Variants in ST6GALNAC3 observed in about 807,000 individuals in gnomAD.
ST6GALNAC3 encodes ST6 N-acetylgalactosaminide alpha-2,6-sialyltransferase 3, also known as alpha-N-acetylgalactosaminide alpha-2,6-sialyltransferase 3.
Under a neutral mutation model 32.7 loss-of-function variants are expected in ST6GALNAC3, and 25 were observed. The observed-to-expected ratio is 0.76, with a 90% CI of 0.56 to 1.07. ST6GALNAC3 has a LOEUF of 1.07. Among genes scored for constraint, ST6GALNAC3 ranks in the 50% least tolerant of loss-of-function variants. The pLI is 0.00. For missense variants in ST6GALNAC3, 355 were observed against 382.4 expected (o/e 0.93, Z 0.60); for synonymous variants, 129 against 133.1 (o/e 0.97, Z 0.21).
intron 1 of ST6GALNAC3, among the ~76,000 whole-genome samples, chr1:76,279,938 C>T (rs1002847388): frequency 6.6e-6 from 1 of 152,068 alleles, no homozygotes; most frequent in Non-Finnish European, 1.5e-5. Flanking sequence ...ATAAAGAGTT[C>T]GGGAGAAAGT....
chr1:76,327,458 G>C (rs1168099733), intron 2 of ST6GALNAC3, among the ~76,000 whole-genome samples: 2 of 152,132 alleles, frequency 1.3e-5, no homozygotes, highest in Non-Finnish European at 2.9e-5. Flanking sequence ...ATTCCTCTTT[G>C]CTCAGGGACA....
intron 1 of ST6GALNAC3, among the ~76,000 whole-genome samples, chr1:76,099,065 A>T (rs568988928): frequency 2.6e-5 from 4 of 152,108 alleles, no homozygotes; most frequent in Non-Finnish European, 4.4e-5. Context: ...CGAAATGTTC[A>T]TATGTTTGAG....
At chr1:76,268,169 A>G (rs1658643167) in intron 1 of ST6GALNAC3, among the ~76,000 whole-genome samples, 1 of 152,238 alleles carries the variant, frequency 6.6e-6, no homozygotes, top group East Asian at 1.9e-4. Context: ...AATGCACAAA[A>G]TATATCTTTC....
intron 3 of ST6GALNAC3, among the ~76,000 whole-genome samples, chr1:76,559,755 G>A (rs1474836121): frequency 6.6e-6 from 1 of 152,098 alleles, no homozygotes; most frequent in East Asian, 1.9e-4. Context: ...AATGCAAGAG[G>A]CACTGAAGAG....
chr1:76,630,145 C>G lies in ST6GALNAC3; in HGVS notation c.*1339C>G. On this transcript the variant is annotated 3_prime_UTR_variant, in exon 5 of 5. Transcript: ENST00000328299. ...ATTTGGTCATTGTTCTGTTATATTC[C>G]AGATTGCTCTACTTGCTAATATTTG... 1.0e-6 allele frequency: 1 copy of G among 985,096 alleles called. No individual in the cohort carries two copies. The highest frequency in any genetic ancestry group is 1.2e-6 in the Non-Finnish European group (1 of 829,812). The allele number at this position is 985,096 out of a possible 1,614,324, so 61.0% of individuals were successfully genotyped here. A position where few individuals can be genotyped will look rare whatever the true frequency, so the allele number is the denominator to read the frequency against.
At chr1:76,106,584 C>T (rs1261655966) in intron 1 of ST6GALNAC3, among the ~76,000 whole-genome samples, 1 of 152,090 alleles carries the variant, frequency 6.6e-6, no homozygotes, top group African/African-American at 2.4e-5. Context: ...CACCCATGCT[C>T]CTCAAATGCT....
At chr1:76,451,145 G>T (rs1274331684) in intron 3 of ST6GALNAC3, among the ~76,000 whole-genome samples, 1 of 152,038 alleles carries the variant, frequency 6.6e-6, no homozygotes, top group Non-Finnish European at 1.5e-5. Context: ...TTAGCGGTAT[G>T]GTCATTTTCA....
At chr1:76,358,058 C>CT in intron 2 of ST6GALNAC3, among the ~76,000 whole-genome samples, 1 of 152,226 alleles carries the variant, frequency 6.6e-6, no homozygotes, top group East Asian at 1.9e-4. Context: ...CTCACCACTT[C>CT]TTTTTTTAAA....
At chr1:76,204,017 C>T (rs1380314270) in intron 1 of ST6GALNAC3, among the ~76,000 whole-genome samples, 1 of 152,148 alleles carries the variant, frequency 6.6e-6, no homozygotes, top group Non-Finnish European at 1.5e-5. Flanking sequence ...CTTTTATCAA[C>T]CCTTTAATCA....
At chr1:76,245,569 T>C (rs1371555749) in intron 1 of ST6GALNAC3, among the ~76,000 whole-genome samples, 2 of 152,180 alleles carry the variant, frequency 1.3e-5, no homozygotes, top group African/African-American at 4.8e-5. Flanking sequence ...GGGCATTTAA[T>C]GGTATAAATT....
At chr1:76,424,568 A>G (rs1160683609) in intron 3 of ST6GALNAC3, among the ~76,000 whole-genome samples, 1 of 151,952 alleles carries the variant, frequency 6.6e-6, no homozygotes, top group Non-Finnish European at 1.5e-5. Context: ...TATAAGTATG[A>G]CACAAGGTGC....
At chr1:76,375,672 C>T (rs1571010635) in intron 2 of ST6GALNAC3, among the ~76,000 whole-genome samples, 1 of 152,160 alleles carries the variant, frequency 6.6e-6, no homozygotes, top group Non-Finnish European at 1.5e-5. Context: ...TCAGTGATCA[C>T]AGGCTCATCC....
intron 1 of ST6GALNAC3, chr1:76,309,835 C>A (rs1007255855): frequency 5.0e-6 from 2 of 400,580 alleles, no homozygotes; most frequent in Non-Finnish European, 1.0e-5. Context: ...CTCCCTTCAC[C>A]CTCTCTGTGC....
At chr1:76,280,119 TC>T (rs1487416308) in intron 1 of ST6GALNAC3, among the ~76,000 whole-genome samples, 1 of 152,156 alleles carries the variant, frequency 6.6e-6, no homozygotes, top group African/African-American at 2.4e-5. Flanking sequence ...TTTCTCTGCT[TC>T]ACTTCATTCT....
intron 3 of ST6GALNAC3, among the ~76,000 whole-genome samples, chr1:76,551,079 G>A (rs1325545341): frequency 6.6e-6 from 1 of 152,052 alleles, no homozygotes; most frequent in Non-Finnish European, 1.5e-5. Context: ...GGCCTTGCCT[G>A]GTATTTTAAT....
intron 3 of ST6GALNAC3, among the ~76,000 whole-genome samples, chr1:76,591,138 G>A (rs1272713714): frequency 6.6e-6 from 1 of 151,970 alleles, no homozygotes; most frequent in Non-Finnish European, 1.5e-5. Flanking sequence ...GAAATACAAA[G>A]GAGATATGAA....
At chr1:76,520,216 A>T (rs1018030732) in intron 3 of ST6GALNAC3, among the ~76,000 whole-genome samples, 1 of 152,130 alleles carries the variant, frequency 6.6e-6, no homozygotes, top group Non-Finnish European at 1.5e-5. Context: ...AATGAGAAGT[A>T]ATGGTAAATA....
At chr1:76,498,623 C>G (rs1001485199) in intron 3 of ST6GALNAC3, among the ~76,000 whole-genome samples, 1 of 151,894 alleles carries the variant, frequency 6.6e-6, no homozygotes, top group African/African-American at 2.4e-5. Context: ...AATATTTTAC[C>G]TTTAACCACC....
intron 2 of ST6GALNAC3, among the ~76,000 whole-genome samples, chr1:76,376,001 A>T (rs560718509): frequency 6.6e-6 from 1 of 152,322 alleles, no homozygotes; most frequent in Non-Finnish European, 1.5e-5. Flanking sequence ...GTATGAAAAT[A>T]CTACAGTGGT....
Sources: allele counts gnomAD v4.1 joint callset (sites outside exome capture counted in the v4.1 genomes callset), GRCh38; gene constraint gnomAD v4.1.1; transcripts MANE v1.5; gene names NCBI Gene and HGNC (gene_info 2026-07-23, HGNC 2026-07-21).